The following FRMD4B variants were observed in gnomAD, a reference collection of about 807,000 sequenced individuals.
FRMD4B encodes FERM domain containing 4B, also known as FERM domain-containing protein 4B.
In FRMD4B, 74 loss-of-function variants were observed where a neutral mutation model predicts 141.5. The ratio of observed to expected loss-of-function variants is 0.52; its 90% CI spans 0.43 to 0.63. The LOEUF (loss-of-function observed/expected upper bound fraction) is 0.63, where lower values mean the gene tolerates loss of function less well. FRMD4B is among the 30% of genes least tolerant of loss of function. The pLI, the probability that FRMD4B is intolerant of heterozygous loss-of-function variation, is 0.00. For synonymous variants in FRMD4B, 506 were observed against 467.9 expected (o/e 1.08, Z -1.05); for missense variants, 1,366 against 1,253.4 (o/e 1.09, Z -1.36).
intron 1 of FRMD4B, among the ~76,000 whole-genome samples, chr3:69,351,779 A>C (rs917343651): frequency 2.0e-5 from 3 of 152,210 alleles, no homozygotes; most frequent in Non-Finnish European, 2.9e-5. Context: ...GAAGTCTTAG[A>C]AAAATTCCTC....
At chr3:69,475,780 C>A (rs977407761) in intron 1 of FRMD4B, among the ~76,000 whole-genome samples, 1 of 150,954 alleles carries the variant, frequency 6.6e-6, no homozygotes, top group African/African-American at 2.5e-5. Context: ...GGAATCGCCA[C>A]ACCGACTTCC....
At chr3:69,385,600 C>A (rs1402902120) in intron 1 of FRMD4B, among the ~76,000 whole-genome samples, 1 of 152,178 alleles carries the variant, frequency 6.6e-6, no homozygotes, top group Non-Finnish European at 1.5e-5. Context: ...CAGATGTCTG[C>A]AAACGCTGGG....
chr3:69,292,670 G>A (rs906251030), intron 4 of FRMD4B, among the ~76,000 whole-genome samples: 3 of 152,140 alleles, frequency 2.0e-5, no homozygotes, highest in Non-Finnish European at 4.4e-5. Flanking sequence ...TATTTATGGA[G>A]TGTATGAAAA....
At chr3:69,377,803 A>ACTT (rs577280739) in intron 1 of FRMD4B, among the ~76,000 whole-genome samples, 18 of 142,148 alleles carry the variant, frequency 1.3e-4, no homozygotes, top group African/African-American at 4.3e-4. Flanking sequence ...GCTTAATCCT[A>ACTT]CTTCTTCTTC....
intron 1 of FRMD4B, among the ~76,000 whole-genome samples, chr3:69,480,105 C>A (rs1013721129): frequency 1.3e-5 from 2 of 152,132 alleles, no homozygotes; most frequent in Non-Finnish European, 2.9e-5. Context: ...GTTATACATT[C>A]GTCTAAATTT....
At chr3:69,495,717 T>G (rs1403773123) in intron 1 of FRMD4B, among the ~76,000 whole-genome samples, 2 of 152,208 alleles carry the variant, frequency 1.3e-5, no homozygotes, top group African/African-American at 4.8e-5. Flanking sequence ...ATGTAAATAT[T>G]ATTACAGCAG....
At chr3:69,236,227 G>GTTT (rs1559741226) in intron 7 of FRMD4B, among the ~76,000 whole-genome samples, 1 of 149,510 alleles carries the variant, frequency 6.7e-6, no homozygotes, top group Non-Finnish European at 1.5e-5. Context: ...TTATTGTTTT[G>GTTT]GTTTTTTTTT....
At chr3:69,491,524 T>C (rs759862625) in intron 1 of FRMD4B, among the ~76,000 whole-genome samples, 3 of 152,186 alleles carry the variant, frequency 2.0e-5, no homozygotes, top group Non-Finnish European at 4.4e-5. Context: ...AAGAAAACTT[T>C]ACATAAAAGC....
chr3:69,491,091 A>G (rs1427849773), intron 1 of FRMD4B, among the ~76,000 whole-genome samples: 1 of 152,230 alleles, frequency 6.6e-6, no homozygotes, highest in Non-Finnish European at 1.5e-5. Context: ...GGAAAGATCA[A>G]TAGGAGGAAA....
intron 5 of FRMD4B, among the ~76,000 whole-genome samples, chr3:69,281,669 C>G (rs1430962759): frequency 6.6e-6 from 1 of 151,764 alleles, no homozygotes; most frequent in Non-Finnish European, 1.5e-5. Context: ...ACTAAAAATA[C>G]AAAAATTAAC....
At chr3:69,217,193 G>A (rs983992950) in intron 10 of FRMD4B, among the ~76,000 whole-genome samples, 30 of 152,184 alleles carry the variant, frequency 2.0e-4, no homozygotes, top group African/African-American at 6.0e-4. Flanking sequence ...AGGTACATAC[G>A]GGGAGGTGAG....
intron 1 of FRMD4B, among the ~76,000 whole-genome samples, chr3:69,442,951 T>C (rs902269378): frequency 2.6e-5 from 4 of 152,210 alleles, no homozygotes; most frequent in African/African-American, 4.8e-5. Flanking sequence ...GCAAAGAGCT[T>C]CTGAAATTCT....
chr3:69,418,144 A>C (rs62251451), intron 2 of FRMD4B, among the ~76,000 whole-genome samples: 42,268 of 152,052 alleles, frequency 0.28, 6,276 homozygotes, highest in East Asian at 0.44. Flanking sequence ...TCTTTGGGGC[A>C]ATTATTTAAC....
chr3:69,392,213 G>A (rs553472578), intron 2 of FRMD4B, among the ~76,000 whole-genome samples: 31 of 152,278 alleles, frequency 2.0e-4, no homozygotes, highest in Admixed American at 1.3e-3. Flanking sequence ...CTGTCTAAGC[G>A]AGTCCTAGAG....
intron 1 of FRMD4B, among the ~76,000 whole-genome samples, chr3:69,436,040 G>A (rs556897558): frequency 2.0e-5 from 3 of 152,214 alleles, no homozygotes; most frequent in East Asian, 1.9e-4. Flanking sequence ...CCAATCAAAG[G>A]ACAGGAGATT....
intron 1 of FRMD4B, among the ~76,000 whole-genome samples, chr3:69,511,631 G>A (rs147727408): frequency 1.8e-3 from 280 of 152,242 alleles, no homozygotes; most frequent in African/African-American, 6.6e-3. Context: ...CCTATCAGAC[G>A]CAGAACTTGT....
intron 7 of FRMD4B, among the ~76,000 whole-genome samples, chr3:69,244,625 T>A (rs187153736): frequency 7.5e-4 from 114 of 151,254 alleles, no homozygotes; most frequent in Non-Finnish European, 1.1e-3. Context: ...AGAGCGAGAC[T>A]CTGTTTAAAC....
chr3:69,521,556 G>C (rs1700856261), intron 1 of FRMD4B, among the ~76,000 whole-genome samples: 1 of 152,128 alleles, frequency 6.6e-6, no homozygotes, highest in Non-Finnish European at 1.5e-5. Flanking sequence ...TCCCCTCTCT[G>C]CTTAAGAAAC....
chr3:69,528,436 C>G (rs1313226308), intron 1 of FRMD4B, among the ~76,000 whole-genome samples: 2 of 151,962 alleles, frequency 1.3e-5, no homozygotes, highest in South Asian at 2.1e-4. Context: ...GCAATCCTGG[C>G]TTACTGCAGC....
Sources: gnomAD v4.1 joint callset for allele counts (sites outside exome capture counted in the v4.1 genomes callset) on GRCh38, gnomAD v4.1.1 for gene constraint, MANE v1.5 for transcripts, NCBI Gene and HGNC (gene_info 2026-07-23, HGNC 2026-07-21) for gene names.